The following KIDINS220 variants were observed in gnomAD, a reference collection of about 807,000 sequenced individuals.
The protein encoded by KIDINS220 is kinase D interacting substrate 220.
KIDINS220 carries 63 observed loss-of-function variants against 157.6 expected under a neutral mutation model. The observed-to-expected ratio is 0.40, with a 90% CI of 0.33 to 0.49. KIDINS220 has a LOEUF of 0.49. Among genes scored for constraint, KIDINS220 ranks in the 20% least tolerant of loss-of-function variants. The pLI is 0.66. For synonymous variants in KIDINS220, 732 were observed against 783.6 expected (o/e 0.93, Z 1.10); for missense variants, 1,772 against 2,171.2 (o/e 0.82, Z 3.65).
chr2:8,735,377 C>T (rs937028655), intron 27 of KIDINS220, among the ~76,000 whole-genome samples: 1 of 152,016 alleles, frequency 6.6e-6, no homozygotes, highest in African/African-American at 2.4e-5. Flanking sequence ...ATTAAAACTA[C>T]AAAAATTAGC....
At chr2:8,738,832 T>G (rs192080367) in intron 26 of KIDINS220, among the ~76,000 whole-genome samples, 4 of 152,362 alleles carry the variant, frequency 2.6e-5, no homozygotes, top group Admixed American at 6.5e-5. Flanking sequence ...AATAGTATTA[T>G]GCCAATTTTA....
At position 8,816,255 on chromosome 2, in the gene KIDINS220, T is replaced by A. The variant is rs116196577; in HGVS notation, c.306+1363A>T. ...TTCATAACGTATATTTTATTGTTCC[T>A]AATTCCCTTGCTGATCTATGTAAAA... is the stretch of plus-strand genomic sequence containing the variant. On this transcript the variant is annotated intron_variant, in intron 4 of 29. Coordinates refer to ENST00000256707, the MANE Select transcript of KIDINS220 (RefSeq NM_020738.4). 6.2e-3 allele frequency among the ~76,000 whole-genome samples: 949 copies of A among 152,364 alleles called. 15 individuals are homozygous for A. The highest frequency in any genetic ancestry group is 0.022 in the African/African-American group (897 of 41,592).
At chr2:8,738,228 T>C (rs534099086) in intron 26 of KIDINS220, among the ~76,000 whole-genome samples, 1 of 152,352 alleles carries the variant, frequency 6.6e-6, no homozygotes, top group Admixed American at 6.5e-5. Context: ...AGACAGCTTT[T>C]CTTTACAGAA....
At chr2:8,767,744 G>A (rs901772193) in intron 22 of KIDINS220, among the ~76,000 whole-genome samples, 3 of 152,038 alleles carry the variant, frequency 2.0e-5, no homozygotes, top group Admixed American at 1.3e-4. Flanking sequence ...TATCAGGAGA[G>A]GTTATCATAA....
intron 29 of KIDINS220, 114 bp from the exon 30 acceptor site, chr2:8,732,096 C>A: frequency 1.1e-6 from 1 of 905,704 alleles, no homozygotes; most frequent in Non-Finnish European, 1.5e-6. Flanking sequence ...ATCAAAACAT[C>A]AAATTCTTTT....
chr2:8,818,361 T>C (rs1441739032), intron 3 of KIDINS220, among the ~76,000 whole-genome samples: 1 of 152,186 alleles, frequency 6.6e-6, no homozygotes, highest in Non-Finnish European at 1.5e-5. Context: ...TTATCGCATG[T>C]AATGATATTA....
Position 8,769,040 on chromosome 2 carries a change from C to G in KIDINS220, c.3011+1630G>C, listed in dbSNP as rs527505731. ...AAAGCATCTCAAAATCACCCCAAAT[C>G]CAGCCCAGTCATAGATGGCAAGCCT... is the stretch of plus-strand genomic sequence containing the variant. On this transcript the variant is annotated intron_variant, in intron 22 of 29. Coordinates refer to ENST00000256707, the MANE Select transcript of KIDINS220 (RefSeq NM_020738.4). Among the ~76,000 whole-genome samples the G allele has an allele frequency of 7.1e-4, 108 of 152,306 alleles. No homozygotes were observed. In the Middle Eastern group the frequency reaches 0.01, roughly 14 times the overall value.
chr2:8,811,969 A>T (rs1043387521), intron 6 of KIDINS220, among the ~76,000 whole-genome samples: 8 of 151,990 alleles, frequency 5.3e-5, no homozygotes, highest in African/African-American at 1.9e-4. Context: ...GGAAAAAGGA[A>T]GGCAAGGCCC....
intron 1 of KIDINS220, among the ~76,000 whole-genome samples, chr2:8,827,710 A>T (rs1158981589): frequency 6.6e-6 from 1 of 152,194 alleles, no homozygotes; most frequent in Non-Finnish European, 1.5e-5. Context: ...TAAATAATTA[A>T]GTATGGGAGG....
chr2:8,800,470 A>G lies in KIDINS220; in HGVS notation c.830T>C (p.Val277Ala). 3 of 1,613,300 alleles carry G rather than the reference A, an allele frequency of 1.9e-6. No homozygotes were observed. Among genetic ancestry groups the G allele is most frequent in the Non-Finnish European group, 2.5e-6 (3 of 1,179,716 alleles). The change falls in exon 9 of 30, where the codon GTC (valine) becomes GCC (alanine). Residue 277 changes from valine (V) to alanine (A), a missense_variant. Coordinates refer to ENST00000256707, the MANE Select transcript of KIDINS220 (RefSeq NM_020738.4). The stretch of plus-strand genomic sequence containing the variant: ...AACAATTTCAACATGACCACCTCTG[A>G]CAGCGCCAATCAACACAGTATCCCC... ...RSGDTVLIGAVRGGHVEIVRA... is the reference protein window; with the variant it reads ...RSGDTVLIGAARGGHVEIVRA...
intron 1 of KIDINS220, among the ~76,000 whole-genome samples, chr2:8,829,983 C>A (rs540161973): frequency 3.9e-5 from 6 of 152,038 alleles, no homozygotes; most frequent in Admixed American, 3.9e-4. Context: ...CACACTCCCC[C>A]AGTGCTGCTC....
At chr2:8,741,983 G>A (rs1460415709) in intron 26 of KIDINS220, among the ~76,000 whole-genome samples, 1 of 152,216 alleles carries the variant, frequency 6.6e-6, no homozygotes, top group Non-Finnish European at 1.5e-5. Flanking sequence ...TCCTGAGCCT[G>A]AAGCCTAAAC....
At position 8,837,528 on chromosome 2, in the gene KIDINS220, C is replaced by T. The variant is rs1445718024; in HGVS notation, c.-85G>A. ...GGGCCCGCTCGGCTGCAGGCGATGTCAGAGGACGGGGAAGCAAGAGACGGC... is the reference window on the plus strand; with the variant it reads ...GGGCCCGCTCGGCTGCAGGCGATGTTAGAGGACGGGGAAGCAAGAGACGGC... On this transcript the variant is annotated 5_prime_UTR_variant, in exon 1 of 30. An upstream open reading frame in the 5' UTR loses its in-frame stop. Coordinates refer to ENST00000256707, the MANE Select transcript of KIDINS220 (RefSeq NM_020738.4). The T allele has an allele frequency of 1.3e-5, 2 of 152,348 alleles. No homozygotes were observed. The highest frequency in any genetic ancestry group is 2.9e-5 in the Non-Finnish European group (2 of 68,128). 9.4% of individuals were successfully genotyped at this position (152,348 alleles called of 1,614,324 possible). A position where few individuals can be genotyped will look rare whatever the true frequency, so the allele number is the denominator to read the frequency against.
chr2:8,781,942 T>G (rs926642582), intron 17 of KIDINS220, among the ~76,000 whole-genome samples: 16 of 151,846 alleles, frequency 1.1e-4, no homozygotes, highest in African/African-American at 3.9e-4. Context: ...GGGAACATGG[T>G]GAAACCCTAT....
intron 6 of KIDINS220, among the ~76,000 whole-genome samples, chr2:8,809,300 C>A (rs906269793): frequency 2.0e-5 from 3 of 152,104 alleles, no homozygotes; most frequent in Non-Finnish European, 4.4e-5. Flanking sequence ...GGATTACAGG[C>A]ATGAGCCACT....
intron 1 of KIDINS220, among the ~76,000 whole-genome samples, chr2:8,834,548 C>A (rs115609564): frequency 1.9e-3 from 296 of 151,850 alleles, no homozygotes; most frequent in South Asian, 4.4e-3. Context: ...CTCCACATAC[C>A]ACATACTTTG....
intron 2 of KIDINS220, among the ~76,000 whole-genome samples, chr2:8,820,057 T>C (rs1426375506): frequency 6.6e-6 from 1 of 152,174 alleles, no homozygotes; most frequent in East Asian, 1.9e-4. Context: ...AACCCTTCAA[T>C]GTTTTCCCAT....
chr2:8,769,672 GTAT>G (rs1162443027), intron 22 of KIDINS220, among the ~76,000 whole-genome samples: 8 of 152,104 alleles, frequency 5.3e-5, no homozygotes, highest in Non-Finnish European at 1.2e-4. Flanking sequence ...TACAGCACTT[GTAT>G]TATAATACAA....
chr2:8,771,526 G>T (rs187246309), intron 21 of KIDINS220, among the ~76,000 whole-genome samples: 58 of 152,224 alleles, frequency 3.8e-4, no homozygotes, highest in Non-Finnish European at 7.6e-4. Context: ...GTTTCACCAT[G>T]ATTTGGTAGA....
Sources: gnomAD v4.1 joint callset for allele counts (sites outside exome capture counted in the v4.1 genomes callset) on GRCh38, gnomAD v4.1.1 for gene constraint, MANE v1.5 for transcripts, NCBI Gene and HGNC (gene_info 2026-07-23, HGNC 2026-07-21) for gene names.